The following LAMA3 variants were observed in gnomAD, a reference collection of about 807,000 sequenced individuals.
LAMA3 encodes laminin subunit alpha 3.
In LAMA3, 281 loss-of-function variants were observed where a neutral mutation model predicts 402.0. That is an observed-to-expected ratio of 0.70 (90% CI 0.63 to 0.77). The LOEUF (loss-of-function observed/expected upper bound fraction) is 0.77. LAMA3 is among the 30% of genes least tolerant of loss of function. The probability of loss-of-function intolerance (pLI) is 0.00; values close to 1 mark genes in which losing one functional copy is unlikely to be tolerated. For synonymous variants in LAMA3, 1,431 were observed against 1,558.4 expected (o/e 0.92, Z 1.93); for missense variants, 3,840 against 4,215.5 (o/e 0.91, Z 2.47).
At chr18:23,838,220 G>A (rs971119268) in intron 25 of LAMA3, among the ~76,000 whole-genome samples, 1 of 152,274 alleles carries the variant, frequency 6.6e-6, no homozygotes, top group Non-Finnish European at 1.5e-5. Flanking sequence ...ATACAGTTTT[G>A]ATTTAAAATG....
intron 19 of LAMA3, among the ~76,000 whole-genome samples, chr18:23,822,042 G>A (rs1368621144): frequency 2.0e-5 from 3 of 152,176 alleles, no homozygotes; most frequent in Non-Finnish European, 2.9e-5. Context: ...AATTTTGATT[G>A]TAAGTGATTT....
intron 12 of LAMA3, among the ~76,000 whole-genome samples, chr18:23,793,704 T>TGG (rs2062707360): frequency 6.6e-6 from 1 of 152,114 alleles, no homozygotes; most frequent in Non-Finnish European, 1.5e-5. Flanking sequence ...ACCAAATGTG[T>TGG]GGGGGTCTCT....
chr18:23,878,709 C>T (rs139015325), intron 39 of LAMA3, among the ~76,000 whole-genome samples: 2 of 152,344 alleles, frequency 1.3e-5, no homozygotes, highest in Non-Finnish European at 2.9e-5. Context: ...TGACCTCCAC[C>T]TCTCAAGGTC....
At chr18:23,846,145 T>G in intron 30 of LAMA3, 152 bp from the exon 31 acceptor site, 1 of 820,200 alleles carries the variant, frequency 1.2e-6, no homozygotes, top group African/African-American at 1.7e-5. Flanking sequence ...CGGCTGAGTC[T>G]GAGGTGGGGT....
intron 12 of LAMA3, among the ~76,000 whole-genome samples, chr18:23,808,965 A>G (rs1037559056): frequency 2.0e-5 from 3 of 152,186 alleles, no homozygotes; most frequent in Non-Finnish European, 2.9e-5. Flanking sequence ...CTTGCAAACA[A>G]GGTTGTATCT....
chr18:23,904,052 G>A lies in LAMA3; in HGVS notation c.6438G>A (p.Ala2146=), dbSNP rs369554046. 34 of 1,613,978 alleles carry A rather than the reference G, an allele frequency of 2.1e-5. No homozygotes were observed. The East Asian group carries it at 4.9e-4, about 23-fold the overall frequency. The change falls in exon 50 of 75, where the codon GCG becomes GCA. Residue 2146 remains alanine, a synonymous_variant. Transcript: ENST00000313654. ...TTGTGGAGGAGGCAGAAAAGCACGC[G>A]CGGTCCTTACAAGAGCTGGCAAAGC... ...TSLVEEAEKH[A]RSLQELAKQL...
At chr18:23,853,739 C>T (rs919344841) in intron 32 of LAMA3, among the ~76,000 whole-genome samples, 2 of 152,218 alleles carry the variant, frequency 1.3e-5, no homozygotes, top group Admixed American at 1.3e-4. Context: ...TGCCATTCTG[C>T]AGCTACTCCT....
chr18:23,779,571 GA>G (rs2062394151), intron 11 of LAMA3, among the ~76,000 whole-genome samples: 1 of 151,052 alleles, frequency 6.6e-6, no homozygotes, highest in Non-Finnish European at 1.5e-5. Flanking sequence ...TAAAACAAGA[GA>G]AAGCAGAATA....
intron 12 of LAMA3, among the ~76,000 whole-genome samples, chr18:23,788,539 G>T (rs1399381114): frequency 6.6e-6 from 1 of 151,706 alleles, no homozygotes; most frequent in Non-Finnish European, 1.5e-5. Context: ...ATGCAAAAGG[G>T]CCAAGGTAAA....
At chr18:23,870,087 G>A (rs150588737) in intron 37 of LAMA3, among the ~76,000 whole-genome samples, 1,533 of 152,214 alleles carry the variant, frequency 0.01, 20 homozygotes, top group Non-Finnish European at 0.017. Context: ...GGCAGATCAT[G>A]AGGTCAGGAG....
In LAMA3 at chr18:23,826,748, T is replaced by C. The variant is rs2063390133; in HGVS notation, c.2618T>C (p.Leu873Pro). Residue 873 changes from leucine to proline, a missense_variant, in exon 22 of 75, where the codon CTG (leucine) becomes CCG (proline). This residue lies in a region of LAMA3 where 2,109 missense variants were observed against 2,376.0 expected (regional missense o/e 0.89). Coordinates refer to ENST00000313654, the MANE Select transcript of LAMA3 (RefSeq NM_198129.4). Reference protein sequence around the residue: ...LPRDYYEASVLQLPVTEPCAY... With the variant: ...LPRDYYEASVPQLPVTEPCAY... ...AGGGACTACTATGAAGCCTCTGTACTGCAGCTGCCAGTCACAGAACCATGT... is the reference window on the plus strand; with the variant it reads ...AGGGACTACTATGAAGCCTCTGTACCGCAGCTGCCAGTCACAGAACCATGT... 1 of 1,566,640 alleles carries C rather than the reference T, an allele frequency of 6.4e-7. No individual in the cohort carries two copies. Among genetic ancestry groups the C allele is most frequent in the Non-Finnish European group, 8.7e-7 (1 of 1,153,998 alleles).
intron 74 of LAMA3, among the ~76,000 whole-genome samples, chr18:23,953,994 C>T (rs1343417278): frequency 6.6e-6 from 1 of 152,228 alleles, no homozygotes; most frequent in Non-Finnish European, 1.5e-5. Context: ...CTCTGAAGAA[C>T]TTGAACAGTA....
At chr18:23,830,606 T>C (rs1036176667) in intron 23 of LAMA3, among the ~76,000 whole-genome samples, 48 of 152,216 alleles carry the variant, frequency 3.2e-4, no homozygotes, top group Non-Finnish European at 5.9e-4. Flanking sequence ...TTTTTCATAA[T>C]TTAAGAGCTG....
intron 2 of LAMA3, among the ~76,000 whole-genome samples, chr18:23,734,037 G>T (rs1487074992): frequency 6.6e-6 from 1 of 152,262 alleles, no homozygotes; most frequent in Non-Finnish European, 1.5e-5. Context: ...TTCACTCTGT[G>T]TTCTCTCAGC....
At chr18:23,837,323 G>A (rs147213708) in intron 25 of LAMA3, 68 of 502,414 alleles carry the variant, frequency 1.4e-4, no homozygotes, top group South Asian at 3.6e-4. Flanking sequence ...ACAAAATCCC[G>A]TTTCATTAGT....
chr18:23,800,799 A>T (rs1250891885), intron 12 of LAMA3, among the ~76,000 whole-genome samples: 1 of 152,052 alleles, frequency 6.6e-6, no homozygotes, highest in African/African-American at 2.4e-5. Context: ...TCTGTTCCTG[A>T]CATATTTCAT....
In LAMA3 at chr18:23,892,211, C is replaced by G. The variant is rs78945776; in HGVS notation, c.5411-2087C>G. ...GGAGGTATTCAAGAAGCTTCAACAT[C>G]ACGCACAGCTTACTCGCCAGACTAA... On this transcript the variant is annotated intron_variant, in intron 42 of 74. Transcript: ENST00000313654. Among the ~76,000 whole-genome samples the G allele has an allele frequency of 4.5e-4, 69 of 152,324 alleles. No homozygotes were observed. The East Asian group carries it at 0.012, about 26-fold the overall frequency.
intron 52 of LAMA3, 115 bp from the exon 53 acceptor site, chr18:23,907,435 A>C: frequency 2.5e-6 from 2 of 812,988 alleles, no homozygotes; most frequent in Admixed American, 3.4e-5. Context: ...GGTGACCCCT[A>C]AGAAGCAAGT....
intron 10 of LAMA3, among the ~76,000 whole-genome samples, chr18:23,776,578 A>C (rs2062323894): frequency 6.6e-6 from 1 of 152,060 alleles, no homozygotes; most frequent in South Asian, 2.1e-4. Flanking sequence ...TCTCTGTATC[A>C]CTCTATCAGA....
Sources: allele counts gnomAD v4.1 joint callset (sites outside exome capture counted in the v4.1 genomes callset), GRCh38; gene constraint gnomAD v4.1.1; regional missense constraint gnomAD v4.1.1; transcripts MANE v1.5; gene names NCBI Gene and HGNC (gene_info 2026-07-23, HGNC 2026-07-21).